The following ERCC6 variants were observed in gnomAD, a reference collection of about 807,000 sequenced individuals.
ERCC6 encodes DNA excision repair protein ERCC-6.
ERCC6 carries 116 observed loss-of-function variants against 158.7 expected under a neutral mutation model. The observed-to-expected ratio is 0.73, with a 90% CI of 0.63 to 0.85. The LOEUF is 0.85. Ranked by LOEUF, ERCC6 falls within the 40% of genes least tolerant of loss-of-function variation. The pLI, the probability that ERCC6 is intolerant of heterozygous loss-of-function variation, is 0.00. For synonymous variants in ERCC6, 678 were observed against 659.3 expected (o/e 1.03, Z -0.43); for missense variants, 1,698 against 1,799.4 (o/e 0.94, Z 1.02).
In ERCC6 at chr10:49,473,381, A is replaced by C; in HGVS notation, c.2709+96T>G. On this transcript the variant is annotated intron_variant, in intron 14 of 20. Transcript: ENST00000355832. ...AGGCCCCCTCCCAAGCCCAGATGTCAATGCTGCTTTGGTGGGTAAGGGTGT... is the reference window on the plus strand; with the variant it reads ...AGGCCCCCTCCCAAGCCCAGATGTCCATGCTGCTTTGGTGGGTAAGGGTGT... 10 of 891,000 alleles carry C rather than the reference A, an allele frequency of 1.1e-5. No homozygotes were observed. In the South Asian group the frequency reaches 1.3e-4, roughly 12 times the overall value. The allele number at this position is 891,000 out of a possible 1,614,324, so 55.2% of individuals were successfully genotyped here.
At chr10:49,461,065 G>T (rs879537619) in intron 19 of ERCC6, among the ~76,000 whole-genome samples, 54 of 152,134 alleles carry the variant, frequency 3.5e-4, no homozygotes, top group Admixed American at 2.0e-4. Context: ...TCTCATTAAG[G>T]TTTAATCATT....
At chr10:49,445,669 A>G in the ERCC6 span, among the ~76,000 whole-genome samples, 1 of 152,252 alleles carries the variant, frequency 6.6e-6, no homozygotes, top group East Asian at 1.9e-4. Context: ...AATGTTAAAT[A>G]TAATGTGACA....
chr10:49,517,192 G>GA lies in ERCC6; in HGVS notation c.1397+6840dup, dbSNP rs1298364464. 161 of 1,502,142 alleles carry GA rather than the reference G, an allele frequency of 1.1e-4. No homozygotes were observed. The East Asian group carries it at 3.1e-3, about 29-fold the overall frequency. The allele number at this position is 1,502,142 out of a possible 1,614,324, so 93.1% of individuals were successfully genotyped here. On this transcript the variant is annotated intron_variant, in intron 5 of 20. Coordinates refer to ENST00000355832, the MANE Select transcript of ERCC6 (RefSeq NM_000124.4). ...GCCTAGTGTTCCAAAAATGGAACAT[G>GA]AAAAATGTCAAACCCATAACTAATG...
At chr10:49,517,009 G>C (rs1295873400) in intron 5 of ERCC6, 1 of 1,613,932 alleles carries the variant, frequency 6.2e-7, no homozygotes, top group African/African-American at 1.3e-5. Flanking sequence ...TCAGAAACAG[G>C]TGCTGTAGCA....
chr10:49,528,291 T>C (rs1837388217), intron 4 of ERCC6, 126 bp downstream of exon 4: 3 of 1,136,390 alleles, frequency 2.6e-6, no homozygotes, highest in East Asian at 5.0e-5. Flanking sequence ...AAATCTGTTT[T>C]GACACTAAGG....
At chr10:49,449,145 ACTAT>A in the ERCC6 span, among the ~76,000 whole-genome samples, 1 of 152,188 alleles carries the variant, frequency 6.6e-6, no homozygotes, top group East Asian at 1.9e-4. Flanking sequence ...AACACTTGTT[ACTAT>A]CTTTTTTATT....
intron 12 of ERCC6, chr10:49,475,534 A>T (rs1205109974): frequency 2.6e-6 from 1 of 383,964 alleles, no homozygotes; most frequent in Non-Finnish European, 5.2e-6. Flanking sequence ...AGAAATTGTG[A>T]GAGATGGTTA....
chr10:49,472,554 C>A (rs1432400469), intron 15 of ERCC6, 84 bp from the exon 16 acceptor site: 28 of 1,352,918 alleles, frequency 2.1e-5, no homozygotes, highest in Middle Eastern at 1.9e-4. Context: ...TAGCTGGTCA[C>A]TACCTGTCAC....
rs1214805267 is a variant in ERCC6 at position 49,476,396 on chromosome 10, A to C, written c.2287-86T>G. On this transcript the variant is annotated intron_variant, in intron 11 of 20. Coordinates refer to ENST00000355832, the MANE Select transcript of ERCC6 (RefSeq NM_000124.4). ...AAATATCAACAAAACTTCCTGATCAAAAGAGCACAATGCATGCGATTTTAA... is the reference window on the plus strand; with the variant it reads ...AAATATCAACAAAACTTCCTGATCACAAGAGCACAATGCATGCGATTTTAA... The C allele has an allele frequency of 1.4e-5, 13 of 898,462 alleles. No individual in the cohort carries two copies. The Admixed American group carries it at 2.0e-4, about 14-fold the overall frequency. 55.7% of individuals were successfully genotyped at this position (898,462 alleles called of 1,614,324 possible). A position where few individuals can be genotyped will look rare whatever the true frequency, so the allele number is the denominator to read the frequency against.
intron 18 of ERCC6, among the ~76,000 whole-genome samples, chr10:49,465,830 T>C (rs1850665643): frequency 6.6e-6 from 1 of 152,210 alleles, no homozygotes. Flanking sequence ...TTAAACCTCT[T>C]TCTTTTGTAA....
chr10:49,472,844 A>G (rs1471083360), intron 15 of ERCC6, 65 bp downstream of exon 15: 2 of 1,580,518 alleles, frequency 1.3e-6, no homozygotes. Context: ...AGGACAGTCA[A>G]AAGCGCTAAC....
the ERCC6 span, among the ~76,000 whole-genome samples, chr10:49,441,658 CT>C: frequency 4.6e-5 from 7 of 152,292 alleles, no homozygotes; most frequent in African/African-American, 1.7e-4. Flanking sequence ...TATTTCCTGT[CT>C]GTGGGTGGCA....
intron 1 of ERCC6, 49 bp from the exon 2 acceptor site, chr10:49,533,027 T>C: frequency 6.3e-7 from 1 of 1,580,932 alleles, no homozygotes; most frequent in Non-Finnish European, 8.6e-7. Flanking sequence ...GGATTCATTG[T>C]AGTTCTTAAA....
At chr10:49,478,584 TA>T in intron 10 of ERCC6, 114 bp from the exon 11 acceptor site, 2 of 737,998 alleles carry the variant, frequency 2.7e-6, no homozygotes, top group Non-Finnish European at 2.4e-6. Flanking sequence ...CCAACAGCTG[TA>T]TAAAGTCAGT....
chr10:49,481,748 C>T (rs1465794843), intron 10 of ERCC6, among the ~76,000 whole-genome samples: 1 of 152,260 alleles, frequency 6.6e-6, no homozygotes, highest in Non-Finnish European at 1.5e-5. Flanking sequence ...TCACAGCAAG[C>T]TTAGCCCCTA....
rs895626744 is a variant in ERCC6, at chr10:49,499,898, C to T, written c.1685+640G>A. ...TTCTACCATTTTAGGTAGTCACTTA[C>T]GTTTTGGCATTAGAATTTATTACAT... On this transcript the variant is annotated intron_variant, in intron 7 of 20. Transcript: ENST00000355832. Among the ~76,000 whole-genome samples the T allele has an allele frequency of 6.7e-5, 10 of 149,928 alleles. No individual in the cohort carries two copies. In the East Asian group the frequency reaches 1.8e-3, roughly 26 times the overall value.
intron 5 of ERCC6, among the ~76,000 whole-genome samples, chr10:49,507,580 T>C (rs1851465465): frequency 6.6e-6 from 1 of 152,210 alleles, no homozygotes; most frequent in Non-Finnish European, 1.5e-5. Context: ...GCTATAAAAG[T>C]CTTCTGGGTT....
rs1168116183 is a variant in ERCC6 at position 49,483,369 on chromosome 10, C to A, written c.1969G>T (p.Ala657Ser). 2 of 1,614,152 alleles carry A rather than the reference C, an allele frequency of 1.2e-6. No individual in the cohort carries two copies. The highest frequency in any genetic ancestry group is 1.7e-6 in the Non-Finnish European group (2 of 1,180,012). ...EGHKIRNPNA[A>S]VTLACKQFRT... ...ACCTGTTTGCAAGCAAGGGTGACAG[C>A]AGCATTTGGATTTCGAATTTTGTGT... Residue 657 changes from alanine (A) to serine (S), a missense_variant, in exon 9 of 21, where the codon GCT becomes TCT. Transcript: ENST00000355832.
intron 5 of ERCC6, among the ~76,000 whole-genome samples, chr10:49,521,843 T>C (rs185520092): frequency 2.2e-4 from 33 of 152,268 alleles, no homozygotes; most frequent in Admixed American, 1.7e-3. Flanking sequence ...AAAAAAGCTA[T>C]GGAAAGGGCT....
Sources: gnomAD v4.1 joint callset for allele counts (sites outside exome capture counted in the v4.1 genomes callset) on GRCh38, gnomAD v4.1.1 for gene constraint, MANE v1.5 for transcripts, NCBI Gene and HGNC (gene_info 2026-07-23, HGNC 2026-07-21) for gene names.